The following ISY1 variants were observed in gnomAD, a reference collection of about 807,000 sequenced individuals.
ISY1 encodes ISY1 spliceosome associated protein, also known as pre-mRNA-splicing factor ISY1 homolog.
A neutral mutation model predicts 54.4 loss-of-function variants in ISY1; 12 were observed. The ratio of observed to expected loss-of-function variants is 0.22; its 90% confidence interval spans 0.14 to 0.36. The LOEUF (loss-of-function observed/expected upper bound fraction) is 0.36, where lower values mean the gene tolerates loss of function less well. Among genes scored for constraint, ISY1 ranks in the 10% least tolerant of loss-of-function variants. The pLI, the probability that ISY1 is intolerant of heterozygous loss-of-function variation, is 1.00. For synonymous variants in ISY1, 96 were observed against 117.9 expected, an observed-to-expected ratio of 0.81 and a Z score of 1.20; for missense variants, 282 against 342.2, an observed-to-expected ratio of 0.82 and a Z score of 1.39.
At chr3:129,149,959 GA>G (rs1314681672) in intron 5 of ISY1, among the ~76,000 whole-genome samples, 26 of 136,896 alleles carry the variant, frequency 1.9e-4, no homozygotes, top group Non-Finnish European at 2.9e-4. Context: ...GGGTGACAGA[GA>G]AAGGCTCTAT....
At chr3:129,137,340 C>T (rs1936439432) in intron 7 of ISY1, 8 of 390,996 alleles carry the variant, frequency 2.0e-5, no homozygotes, top group South Asian at 2.1e-4. Context: ...GAATTATAAC[C>T]AGTAAAATTC....
chr3:129,145,519 G>C (rs1426228490), intron 6 of ISY1, among the ~76,000 whole-genome samples: 2 of 152,078 alleles, frequency 1.3e-5, no homozygotes, highest in African/African-American at 2.4e-5. Context: ...TACCATGCCC[G>C]GGCTCATGGT....
rs1272446758 is a variant in ISY1, at chr3:129,129,042, G to GGTCCT, written c.*1034_*1038dup. 1 of 152,320 alleles carries GGTCCT rather than the reference G, an allele frequency of 6.6e-6. No homozygotes were observed. The highest frequency in any genetic ancestry group is 2.4e-5 in the African/African-American group (1 of 41,440). The allele number at this position is 152,320 out of a possible 1,614,324, so 9.4% of individuals were successfully genotyped here. A position where few individuals can be genotyped will look rare whatever the true frequency, so the allele number is the denominator to read the frequency against. On this transcript the variant is annotated 3_prime_UTR_variant, in exon 11 of 11. Transcript: ENST00000393295. ...ACTCCCACCTAGACTCCTGGGATCT[G>GGTCCT]GTCCTGTCTTTGCCACACTTGGGGC...
At chr3:129,154,242 CAAAA>C (rs777277943) in intron 5 of ISY1, among the ~76,000 whole-genome samples, 1 of 47,804 alleles carries the variant, frequency 2.1e-5, no homozygotes, top group Non-Finnish European at 4.4e-5. Flanking sequence ...GACTCTGTCT[CAAAA>C]AAAAAAAAAA....
At chr3:129,152,703 G>C (rs1480047739) in intron 5 of ISY1, among the ~76,000 whole-genome samples, 1 of 152,118 alleles carries the variant, frequency 6.6e-6, no homozygotes, top group African/African-American at 2.4e-5. Context: ...ACCGCGCCCG[G>C]CCATACATTG....
intron 7 of ISY1, among the ~76,000 whole-genome samples, chr3:129,138,201 C>G (rs1936483683): frequency 6.6e-6 from 1 of 151,350 alleles, no homozygotes. Context: ...TGGCGTGAAC[C>G]TGGGAGGCAG....
At chr3:129,140,633 T>C (rs1226818011) in intron 6 of ISY1, 148 bp from the exon 7 acceptor site, 4 of 814,610 alleles carry the variant, frequency 4.9e-6, no homozygotes, top group South Asian at 3.8e-5. Context: ...TGGAGTGCAG[T>C]AGCACAATCT....
intron 9 of ISY1, among the ~76,000 whole-genome samples, chr3:129,132,911 A>C (rs1412929601): frequency 6.6e-6 from 1 of 152,182 alleles, no homozygotes; most frequent in African/African-American, 2.4e-5. Context: ...ATGTGACATT[A>C]AGTCACTAAA....
intron 5 of ISY1, among the ~76,000 whole-genome samples, chr3:129,146,478 T>C (rs1936767785): frequency 6.6e-6 from 1 of 152,078 alleles, no homozygotes; most frequent in Admixed American, 6.6e-5. Flanking sequence ...AAACATCATA[T>C]AACTTTTGAA....
intron 6 of ISY1, chr3:129,144,051 T>A (rs547148792): frequency 3.7e-6 from 1 of 266,674 alleles, no homozygotes; most frequent in East Asian, 1.0e-4. Flanking sequence ...ACATTTCACA[T>A]ACGAATTTTT....
At chr3:129,153,460 C>T (rs1180327817) in intron 5 of ISY1, among the ~76,000 whole-genome samples, 1 of 152,168 alleles carries the variant, frequency 6.6e-6, no homozygotes, top group Non-Finnish European at 1.5e-5. Flanking sequence ...CACTATGTGC[C>T]AGTAGCACCC....
intron 6 of ISY1, among the ~76,000 whole-genome samples, chr3:129,144,548 G>A (rs1315392968): frequency 6.6e-6 from 1 of 152,198 alleles, no homozygotes; most frequent in Non-Finnish European, 1.5e-5. Context: ...AAGTGTGAAC[G>A]AATTAGGCTC....
chr3:129,147,498 G>C (rs1399959810), intron 5 of ISY1, among the ~76,000 whole-genome samples: 2 of 152,282 alleles, frequency 1.3e-5, no homozygotes, highest in South Asian at 2.1e-4. Flanking sequence ...AAGACACAGA[G>C]AACTCAAGGC....
intron 7 of ISY1, among the ~76,000 whole-genome samples, chr3:129,135,889 A>G (rs1462450347): frequency 1.3e-5 from 2 of 152,206 alleles, no homozygotes; most frequent in Non-Finnish European, 2.9e-5. Flanking sequence ...AAATTGCAGA[A>G]TATGTATGGG....
intron 6 of ISY1, among the ~76,000 whole-genome samples, chr3:129,145,072 A>C (rs1936728756): frequency 6.6e-6 from 1 of 151,978 alleles, no homozygotes; most frequent in African/African-American, 2.4e-5. Context: ...TACTATGCCT[A>C]GCTGATTTTT....
intron 5 of ISY1, 118 bp downstream of exon 5, chr3:129,156,515 T>C: frequency 9.6e-7 from 1 of 1,046,502 alleles, no homozygotes; most frequent in Non-Finnish European, 1.4e-6. Flanking sequence ...GGCTCTTCTA[T>C]GTCCTTACTG....
chr3:129,129,360 G>C lies in ISY1; in HGVS notation c.*721C>G, dbSNP rs1485631304. ...CAGAGGGACCTGGTCATTGACTTGT[G>C]GGTTGCGTGCATCTTTTTTTTTTTT... is the stretch of plus-strand genomic sequence containing the variant. On this transcript the variant is annotated 3_prime_UTR_variant, in exon 11 of 11. Transcript: ENST00000393295. 6.6e-6 allele frequency: 1 copy of C among 151,774 alleles called. No homozygotes were observed. Among genetic ancestry groups the C allele is most frequent in the African/African-American group, 2.4e-5 (1 of 41,236 alleles). The allele number at this position is 151,774 out of a possible 1,614,324, so 9.4% of individuals were successfully genotyped here. A position where few individuals can be genotyped will look rare whatever the true frequency, so the allele number is the denominator to read the frequency against.
intron 7 of ISY1, among the ~76,000 whole-genome samples, chr3:129,139,652 T>C (rs1237065673): frequency 6.6e-6 from 1 of 152,144 alleles, no homozygotes; most frequent in Non-Finnish European, 1.5e-5. Flanking sequence ...TTCTCCTTTT[T>C]TTTTTTTGAG....
rs537799132 is a variant in ISY1, at chr3:129,135,073, G to A, written c.419-119C>T. 7 of 1,340,108 alleles carry A rather than the reference G, an allele frequency of 5.2e-6. No individual in the cohort carries two copies. In the Admixed American group the frequency reaches 1.6e-4, roughly 31 times the overall value. The allele number at this position is 1,340,108 out of a possible 1,614,324, so 83.0% of individuals were successfully genotyped here. A position where few individuals can be genotyped will look rare whatever the true frequency, so the allele number is the denominator to read the frequency against. On this transcript the variant is annotated intron_variant, in intron 7 of 10. Coordinates refer to ENST00000393295, the MANE Select transcript of ISY1 (RefSeq NM_020701.4). ...GTATGTTCATGAAAATACCAGGTGG[G>A]CGCAGTGGCTCATGCTTGTAATCCT...
Sources: allele counts gnomAD v4.1 joint callset (sites outside exome capture counted in the v4.1 genomes callset), GRCh38; gene constraint gnomAD v4.1.1; transcripts MANE v1.5; gene names NCBI Gene and HGNC (gene_info 2026-07-23, HGNC 2026-07-21).